The following GPR39 variants were observed in gnomAD, a reference collection of about 807,000 sequenced individuals.
The protein encoded by GPR39 is G protein-coupled receptor 39, also known as zinc sensing receptor.
A neutral mutation model predicts 18.4 loss-of-function variants in GPR39; 23 were observed. The ratio of observed to expected loss-of-function variants is 1.25; its 90% confidence interval spans 0.90 to 1.77. The LOEUF (loss-of-function observed/expected upper bound fraction) is 1.77, where lower values mean the gene tolerates loss of function less well. Among genes scored for constraint, GPR39 ranks in the 40% most tolerant of loss-of-function variants. The pLI, the probability that GPR39 is intolerant of heterozygous loss-of-function variation, is 0.00. For missense variants in GPR39, 647 were observed against 602.4 expected, an observed-to-expected ratio of 1.07 and a Z score of -0.78; for synonymous variants, 280 against 257.9, an observed-to-expected ratio of 1.09 and a Z score of -0.82.
Position 132,435,367 on chromosome 2 carries a change from C to T in GPR39, c.856+17469C>T, listed in dbSNP as rs116115061. On this transcript the variant is annotated intron_variant, in intron 1 of 1. Coordinates refer to ENST00000329321, the MANE Select transcript of GPR39 (RefSeq NM_001508.3). ...GAAGACCTTTATGATGATCCACTTT[C>T]ACTTAGTAAACAGAAATATACTTTC... is the stretch of plus-strand genomic sequence containing the variant. Among the ~76,000 whole-genome samples, 789 of 152,284 alleles carry T rather than the reference C, an allele frequency of 5.2e-3. 7 individuals carry two copies. The highest frequency in any genetic ancestry group is 0.019 in the African/African-American group (769 of 41,546).
chr2:132,443,847 A>C (rs553448403), intron 1 of GPR39, among the ~76,000 whole-genome samples: 1 of 152,188 alleles, frequency 6.6e-6, no homozygotes, highest in Non-Finnish European at 1.5e-5. Flanking sequence ...AGGAGGGTGA[A>C]TCTCTTGAGC....
chr2:132,639,798 C>G (rs1269607361), intron 1 of GPR39, among the ~76,000 whole-genome samples: 1 of 152,104 alleles, frequency 6.6e-6, no homozygotes, highest in African/African-American at 2.4e-5. Context: ...CTTGGAGGAC[C>G]CGCTTCTAAA....
At chr2:132,562,129 T>G (rs1680264882) in intron 1 of GPR39, among the ~76,000 whole-genome samples, 1 of 151,878 alleles carries the variant, frequency 6.6e-6, no homozygotes, top group Admixed American at 6.6e-5. Flanking sequence ...TGCATTCAAA[T>G]TTCTGAGGGT....
chr2:132,509,801 C>A (rs140493118), intron 1 of GPR39, among the ~76,000 whole-genome samples: 85 of 152,302 alleles, frequency 5.6e-4, no homozygotes, highest in South Asian at 1.0e-3. Flanking sequence ...TGGATCCTCT[C>A]TGGCTCCAAT....
chr2:132,471,966 T>G (rs1200624387), intron 1 of GPR39, among the ~76,000 whole-genome samples: 2 of 152,172 alleles, frequency 1.3e-5, no homozygotes, highest in Non-Finnish European at 2.9e-5. Context: ...CTTTCCCATG[T>G]GGAAGGGGCT....
At chr2:132,595,429 A>T (rs1680923676) in intron 1 of GPR39, among the ~76,000 whole-genome samples, 1 of 152,152 alleles carries the variant, frequency 6.6e-6, no homozygotes, top group Non-Finnish European at 1.5e-5. Flanking sequence ...CAAGTGGGAA[A>T]TGAGTTCGCT....
At chr2:132,563,892 G>C (rs1347736783) in intron 1 of GPR39, among the ~76,000 whole-genome samples, 3 of 152,180 alleles carry the variant, frequency 2.0e-5, no homozygotes, top group Admixed American at 2.0e-4. Context: ...GGAGGTGCCT[G>C]GGTCCCCCCA....
chr2:132,603,719 C>G lies in GPR39; in HGVS notation c.857-41382C>G, dbSNP rs965805731. On this transcript the variant is annotated intron_variant, in intron 1 of 1. Transcript: ENST00000329321. Reference sequence around the variant, plus strand: ...GTGTACATTTGTGGGCGTGCGTGTGCGAAATGGGTTACTAAAATCCACTGA... The same window carrying G: ...GTGTACATTTGTGGGCGTGCGTGTGGGAAATGGGTTACTAAAATCCACTGA... 7.2e-5 allele frequency among the ~76,000 whole-genome samples: 11 copies of G among 152,188 alleles called. No individual in the cohort carries two copies. In the East Asian group the frequency reaches 2.1e-3, roughly 29 times the overall value.
intron 1 of GPR39, among the ~76,000 whole-genome samples, chr2:132,542,680 C>T (rs889266219): frequency 5.3e-5 from 8 of 152,094 alleles, no homozygotes; most frequent in Admixed American, 1.3e-4. Context: ...TCACATCCTG[C>T]GTAGCCATTG....
At chr2:132,612,756 A>G (rs995325227) in intron 1 of GPR39, among the ~76,000 whole-genome samples, 1 of 152,240 alleles carries the variant, frequency 6.6e-6, no homozygotes, top group Non-Finnish European at 1.5e-5. Flanking sequence ...GATAGCTGGT[A>G]GTATAAGTCT....
At chr2:132,597,687 T>C (rs1318496465) in intron 1 of GPR39, among the ~76,000 whole-genome samples, 1 of 152,194 alleles carries the variant, frequency 6.6e-6, no homozygotes. Context: ...GTCTCACCAT[T>C]GTATAATATA....
chr2:132,529,311 C>T (rs927826704), intron 1 of GPR39, among the ~76,000 whole-genome samples: 11 of 152,162 alleles, frequency 7.2e-5, no homozygotes, highest in South Asian at 2.1e-4. Flanking sequence ...GGGGGAGGGG[C>T]GCCCGCCATT....
Position 132,524,041 on chromosome 2 carries a change from T to G in GPR39, c.856+106143T>G, listed in dbSNP as rs541222903. 6 of 152,676 alleles carry G rather than the reference T, an allele frequency of 3.9e-5. No homozygotes were observed. In the East Asian group the frequency reaches 1.2e-3, roughly 30 times the overall value. The allele number at this position is 152,676 out of a possible 1,614,324, so 9.5% of individuals were successfully genotyped here. Reference sequence around the variant, plus strand: ...GACCTGCTGAATCAGAAACTGGGAGTGGAGCCCAGGAATCTGTATTTTAAC... The same window carrying G: ...GACCTGCTGAATCAGAAACTGGGAGGGGAGCCCAGGAATCTGTATTTTAAC... On this transcript the variant is annotated intron_variant, in intron 1 of 1. Transcript: ENST00000329321.
intron 1 of GPR39, among the ~76,000 whole-genome samples, chr2:132,580,714 A>C (rs1186987915): frequency 6.6e-6 from 1 of 152,190 alleles, no homozygotes; most frequent in African/African-American, 2.4e-5. Context: ...CTGTAATCCC[A>C]GCACTTTGGG....
At chr2:132,607,257 TC>T (rs1573695022) in intron 1 of GPR39, among the ~76,000 whole-genome samples, 1 of 152,236 alleles carries the variant, frequency 6.6e-6, no homozygotes, top group East Asian at 1.9e-4. Context: ...TTCTAGCTTG[TC>T]CTTTTCCTGT....
chr2:132,567,180 G>C lies in GPR39; in HGVS notation c.857-77921G>C, dbSNP rs1172248817. On this transcript the variant is annotated intron_variant, in intron 1 of 1. Coordinates refer to ENST00000329321, the MANE Select transcript of GPR39 (RefSeq NM_001508.3). ...CTAGTAAAAATACAAAAATTAACCG[G>C]GCATGGCGGCACATGCCTGTAATCT... Among the ~76,000 whole-genome samples the C allele has an allele frequency of 2.0e-5, 3 of 152,156 alleles. No individual in the cohort carries two copies. The East Asian group carries it at 5.8e-4, about 29-fold the overall frequency.
chr2:132,614,285 C>A (rs1368603094), intron 1 of GPR39, among the ~76,000 whole-genome samples: 1 of 152,074 alleles, frequency 6.6e-6, no homozygotes, highest in Non-Finnish European at 1.5e-5. Flanking sequence ...CGGCTCACTG[C>A]AACCTCCATC....
intron 1 of GPR39, among the ~76,000 whole-genome samples, chr2:132,533,753 A>C (rs1319491040): frequency 2.0e-5 from 3 of 152,214 alleles, no homozygotes; most frequent in Non-Finnish European, 4.4e-5. Context: ...AGGATTCCCT[A>C]TTTAATAAAT....
At chr2:132,530,727 C>T (rs950879192) in intron 1 of GPR39, among the ~76,000 whole-genome samples, 4 of 152,156 alleles carry the variant, frequency 2.6e-5, no homozygotes, top group African/African-American at 7.2e-5. Flanking sequence ...GAATTTCCAA[C>T]CCAGAATTTC....
Sources: allele counts gnomAD v4.1 joint callset (sites outside exome capture counted in the v4.1 genomes callset), GRCh38; gene constraint gnomAD v4.1.1; transcripts MANE v1.5; gene names NCBI Gene and HGNC (gene_info 2026-07-23, HGNC 2026-07-21).